CTNNA2: variants seen among roughly 807,000 people sequenced by gnomAD.
CTNNA2 encodes the protein catenin alpha 2, also known as catenin alpha-2.
Under a neutral mutation model 101.0 loss-of-function variants are expected in CTNNA2, and 42 were observed. The observed-to-expected ratio is 0.42, with a 90% CI of 0.32 to 0.54. CTNNA2 has a LOEUF of 0.54. Among genes scored for constraint, CTNNA2 ranks in the 20% least tolerant of loss-of-function variants. The probability of loss-of-function intolerance (pLI) is 0.14; values close to 1 mark genes in which losing one functional copy is unlikely to be tolerated. For synonymous variants in CTNNA2, 450 were observed against 456.4 expected, an observed-to-expected ratio of 0.99 and a Z score of 0.18; for missense variants, 871 against 1,223.1, an observed-to-expected ratio of 0.71 and a Z score of 4.29.
intron 1 of CTNNA2, among the ~76,000 whole-genome samples, chr2:79,611,437 C>CA (rs1678266377): frequency 6.6e-6 from 1 of 152,146 alleles, no homozygotes; most frequent in Non-Finnish European, 1.5e-5. Context: ...AAAAGAGAGA[C>CA]ACAGTTCCCG....
intron 9 of CTNNA2, among the ~76,000 whole-genome samples, chr2:80,494,483 G>T (rs915485392): frequency 2.6e-5 from 4 of 152,018 alleles, no homozygotes; most frequent in African/African-American, 7.2e-5. Context: ...GATGCATGGT[G>T]GGGGGGACTA....
intron 3 of CTNNA2, among the ~76,000 whole-genome samples, chr2:79,745,795 A>G (rs936702595): frequency 7.2e-5 from 11 of 152,174 alleles, no homozygotes; most frequent in Admixed American, 2.6e-4. Context: ...TTGTTTATAC[A>G]TTCATCCATT....
At chr2:79,657,106 G>A (rs917957801) in intron 2 of CTNNA2, among the ~76,000 whole-genome samples, 1 of 151,424 alleles carries the variant, frequency 6.6e-6, no homozygotes, top group Admixed American at 6.6e-5. Context: ...AAGGAAAACT[G>A]GAATCACTAG....
At chr2:80,463,207 GT>G (rs1343770361) in intron 9 of CTNNA2, among the ~76,000 whole-genome samples, 1 of 152,098 alleles carries the variant, frequency 6.6e-6, no homozygotes, top group East Asian at 1.9e-4. Context: ...TTTAACTGTT[GT>G]TTTATCTTCT....
chr2:79,275,638 T>G (rs1357373773), intron 2 of CTNNA2, among the ~76,000 whole-genome samples: 1 of 152,112 alleles, frequency 6.6e-6, no homozygotes, highest in East Asian at 1.9e-4. Context: ...ATGTTATTAT[T>G]TAAAATGCAG....
intron 7 of CTNNA2, among the ~76,000 whole-genome samples, chr2:80,020,703 C>T (rs6752341): frequency 0.055 from 8,406 of 152,090 alleles, 661 homozygotes; most frequent in African/African-American, 0.17. Context: ...TTCTTGTGTT[C>T]TCGTCTTTTG....
chr2:79,463,354 G>A (rs942732448), intron 4 of CTNNA2, among the ~76,000 whole-genome samples: 1 of 145,684 alleles, frequency 6.9e-6, no homozygotes, highest in Non-Finnish European at 1.5e-5. Flanking sequence ...GCTGCAGTGA[G>A]CCAAGATCAC....
At chr2:80,507,980 T>C (rs1438445071) in intron 9 of CTNNA2, among the ~76,000 whole-genome samples, 2 of 152,172 alleles carry the variant, frequency 1.3e-5, no homozygotes, top group Non-Finnish European at 2.9e-5. Context: ...CACTGCATCC[T>C]GGAGAGGCCC....
At chr2:80,274,596 T>C (rs1352003065) in intron 7 of CTNNA2, among the ~76,000 whole-genome samples, 1 of 152,238 alleles carries the variant, frequency 6.6e-6, no homozygotes, top group Non-Finnish European at 1.5e-5. Context: ...TCAAGCCGTA[T>C]TATTGTCTAG....
At chr2:79,931,933 C>T (rs1030457521) in intron 7 of CTNNA2, among the ~76,000 whole-genome samples, 1 of 152,190 alleles carries the variant, frequency 6.6e-6, no homozygotes, top group Non-Finnish European at 1.5e-5. Flanking sequence ...GCCCCAAATC[C>T]CCAGCACTAG....
intron 7 of CTNNA2, among the ~76,000 whole-genome samples, chr2:80,330,437 A>T (rs1188752381): frequency 6.6e-6 from 1 of 152,150 alleles, no homozygotes; most frequent in Non-Finnish European, 1.5e-5. Context: ...CTGGATCTGA[A>T]ATTTGAATCT....
intron 7 of CTNNA2, among the ~76,000 whole-genome samples, chr2:80,081,563 A>G (rs1036901119): frequency 2.1e-4 from 31 of 150,854 alleles, no homozygotes; most frequent in Admixed American, 1.5e-3. Flanking sequence ...TCAAACTCCA[A>G]TGAACTTCAG....
At chr2:79,560,404 G>A (rs1674702446) in intron 1 of CTNNA2, among the ~76,000 whole-genome samples, 1 of 151,922 alleles carries the variant, frequency 6.6e-6, no homozygotes. Context: ...TGTTCAGGGT[G>A]AAAATGTCCA....
chr2:80,548,570 A>T (rs1352682463), intron 11 of CTNNA2, among the ~76,000 whole-genome samples: 1 of 152,098 alleles, frequency 6.6e-6, no homozygotes, highest in Non-Finnish European at 1.5e-5. Context: ...TGCTGATAAC[A>T]CTGTGCAGTC....
intron 1 of CTNNA2, among the ~76,000 whole-genome samples, chr2:79,573,299 G>A (rs569535006): frequency 2.0e-5 from 3 of 152,202 alleles, no homozygotes; most frequent in African/African-American, 7.2e-5. Context: ...AAGTGTCATC[G>A]CCAATGCTGA....
chr2:80,544,919 G>T, intron 9 of CTNNA2, 63 bp from the exon 10 acceptor site: 1 of 1,393,198 alleles, frequency 7.2e-7, no homozygotes, highest in South Asian at 1.3e-5. Flanking sequence ...GGTCCAAGGC[G>T]GAGCAACAGT....
chr2:80,045,269 T>C (rs1201574070), intron 7 of CTNNA2, among the ~76,000 whole-genome samples: 1 of 152,220 alleles, frequency 6.6e-6, no homozygotes, highest in Non-Finnish European at 1.5e-5. Flanking sequence ...AGACACCTCA[T>C]CTATCACTAG....
rs1390328826 is a variant in CTNNA2 at position 80,490,285 on chromosome 2, C to G, written c.1291-54697C>G. Among the ~76,000 whole-genome samples, 9 of 83,198 alleles carry G rather than the reference C, an allele frequency of 1.1e-4. No homozygotes were observed. In the South Asian group the frequency reaches 1.5e-3, roughly 14 times the overall value. The allele number at this position is 83,198 out of a possible 152,430, so 54.6% of individuals were successfully genotyped here. On this transcript the variant is annotated intron_variant, in intron 9 of 18. Coordinates refer to ENST00000402739, the MANE Select transcript of CTNNA2 (RefSeq NM_001282597.3). ...TTTTTTTTCCTTCCCCCCCCACCCC[C>G]CCCCCGGTAAAGCACCAGATAGTAA...
At chr2:80,528,096 T>C (rs1382355954) in intron 9 of CTNNA2, among the ~76,000 whole-genome samples, 1 of 152,198 alleles carries the variant, frequency 6.6e-6, no homozygotes, top group Non-Finnish European at 1.5e-5. Context: ...TCAATTCTTC[T>C]TGGTAAATGG....
Sources: allele counts gnomAD v4.1 joint callset (sites outside exome capture counted in the v4.1 genomes callset), GRCh38; gene constraint gnomAD v4.1.1; transcripts MANE v1.5; gene names NCBI Gene and HGNC (gene_info 2026-07-23, HGNC 2026-07-21).